Variants in AUTS2 observed in about 807,000 individuals in gnomAD.
The protein encoded by AUTS2 is autism susceptibility gene 2 protein.
AUTS2 carries 17 observed loss-of-function variants against 112.4 expected under a neutral mutation model. The ratio of observed to expected loss-of-function variants is 0.15; its 90% CI spans 0.10 to 0.23. The LOEUF (loss-of-function observed/expected upper bound fraction) is 0.23. Among genes scored for constraint, AUTS2 ranks in the 10% least tolerant of loss-of-function variants. The pLI, the probability that AUTS2 is intolerant of heterozygous loss-of-function variation, is 1.00. For synonymous variants in AUTS2, 751 were observed against 702.7 expected, an observed-to-expected ratio of 1.07 and a Z score of -1.09; for missense variants, 1,510 against 1,701.6, an observed-to-expected ratio of 0.89 and a Z score of 1.98.
chr7:70,736,442 A>AG, intron 6 of AUTS2, among the ~76,000 whole-genome samples: 1 of 152,346 alleles, frequency 6.6e-6, no homozygotes, highest in African/African-American at 2.4e-5. Context: ...CAGTTGGTTT[A>AG]GGGGGTCAGG....
chr7:70,724,709 T>C (rs1786922117), intron 6 of AUTS2, among the ~76,000 whole-genome samples: 1 of 152,012 alleles, frequency 6.6e-6, no homozygotes, highest in African/African-American at 2.4e-5. Flanking sequence ...CCTCCCAAAG[T>C]GCTGGGATTA....
At chr7:69,879,431 C>T (rs61370051) in intron 1 of AUTS2, among the ~76,000 whole-genome samples, 11,429 of 151,688 alleles carry the variant, frequency 0.075, 584 homozygotes, top group African/African-American at 0.14. Context: ...ATTGCAGGCG[C>T]GAGCCACTGT....
chr7:70,257,739 T>G (rs1161689555), intron 4 of AUTS2, among the ~76,000 whole-genome samples: 2 of 151,302 alleles, frequency 1.3e-5, no homozygotes, highest in Non-Finnish European at 2.9e-5. Context: ...ATTACAGGAG[T>G]GAGCCATCAT....
At chr7:69,822,990 G>C (rs944470334) in intron 1 of AUTS2, among the ~76,000 whole-genome samples, 1 of 152,186 alleles carries the variant, frequency 6.6e-6, no homozygotes, top group Non-Finnish European at 1.5e-5. Context: ...CTAGGGAGAA[G>C]GTGAGAGAAA....
At chr7:69,632,581 CCT>C (rs1296043930) in intron 1 of AUTS2, among the ~76,000 whole-genome samples, 3 of 148,032 alleles carry the variant, frequency 2.0e-5, no homozygotes, top group African/African-American at 7.5e-5. Flanking sequence ...TCCCCTCTCC[CCT>C]CTCCCCTCTG....
At chr7:69,762,213 C>G (rs528437355) in intron 1 of AUTS2, among the ~76,000 whole-genome samples, 1 of 148,888 alleles carries the variant, frequency 6.7e-6, no homozygotes, top group East Asian at 2.0e-4. Context: ...TGACATTGGG[C>G]TGTATCTAAT....
intron 4 of AUTS2, among the ~76,000 whole-genome samples, chr7:70,254,872 G>A (rs1352264405): frequency 6.6e-6 from 1 of 152,136 alleles, no homozygotes; most frequent in Non-Finnish European, 1.5e-5. Context: ...ATCTCAGGAT[G>A]TATGTGTTTT....
At chr7:69,974,417 T>C (rs940952301) in intron 2 of AUTS2, among the ~76,000 whole-genome samples, 12 of 151,700 alleles carry the variant, frequency 7.9e-5, no homozygotes, top group Non-Finnish European at 1.3e-4. Context: ...TTTCAACTTA[T>C]TTTTTTCTAT....
intron 1 of AUTS2, among the ~76,000 whole-genome samples, chr7:69,664,087 T>G (rs538986541): frequency 6.6e-6 from 1 of 152,334 alleles, no homozygotes; most frequent in East Asian, 1.9e-4. Flanking sequence ...CCGGACTCAG[T>G]CTGTGTGCCT....
chr7:70,359,623 GGA>G (rs1300440491), intron 4 of AUTS2, among the ~76,000 whole-genome samples: 1 of 152,088 alleles, frequency 6.6e-6, no homozygotes, highest in East Asian at 1.9e-4. Context: ...TCCATTCCCT[GGA>G]GAGTGAGAAC....
At chr7:70,708,910 T>G (rs1443507453) in intron 6 of AUTS2, among the ~76,000 whole-genome samples, 1 of 147,312 alleles carries the variant, frequency 6.8e-6, no homozygotes, top group Non-Finnish European at 1.5e-5. Flanking sequence ...ATTTTATTGT[T>G]TAAATACTTT....
chr7:70,093,670 C>G (rs577111359), intron 2 of AUTS2, among the ~76,000 whole-genome samples: 2 of 152,174 alleles, frequency 1.3e-5, no homozygotes, highest in African/African-American at 4.8e-5. Context: ...GAGTGAGTCA[C>G]CCCTTTTCAG....
intron 2 of AUTS2, among the ~76,000 whole-genome samples, chr7:70,064,958 A>G (rs999472616): frequency 2.0e-5 from 3 of 152,206 alleles, no homozygotes; most frequent in African/African-American, 7.2e-5. Flanking sequence ...ATGCATATTT[A>G]TATGCCCAGA....
chr7:69,624,042 T>C (rs914760265), intron 1 of AUTS2, among the ~76,000 whole-genome samples: 1 of 152,210 alleles, frequency 6.6e-6, no homozygotes, highest in Non-Finnish European at 1.5e-5. Flanking sequence ...AGTAAGTTTT[T>C]GGTGATGTTA....
At chr7:69,897,867 C>A (rs772493367) in intron 1 of AUTS2, among the ~76,000 whole-genome samples, 1 of 152,104 alleles carries the variant, frequency 6.6e-6, no homozygotes, top group Non-Finnish European at 1.5e-5. Flanking sequence ...GAGTACCATG[C>A]ATGTAAAGTT....
chr7:69,861,271 T>C lies in AUTS2; in HGVS notation c.310-38015T>C, dbSNP rs192824664. 5.9e-3 allele frequency among the ~76,000 whole-genome samples: 905 copies of C among 152,338 alleles called. 3 individuals are homozygous for C. Among genetic ancestry groups the C allele is most frequent in the Non-Finnish European group, 9.3e-3 (634 of 68,030 alleles). ...GAAGGACCCATAAATGGATTTTGGCTGTCTCCTAGTGCAGGGATTAACATA... is the reference window on the plus strand; with the variant it reads ...GAAGGACCCATAAATGGATTTTGGCCGTCTCCTAGTGCAGGGATTAACATA... On this transcript the variant is annotated intron_variant, in intron 1 of 18. Coordinates refer to ENST00000342771, the MANE Select transcript of AUTS2 (RefSeq NM_015570.4).
intron 4 of AUTS2, among the ~76,000 whole-genome samples, chr7:70,156,392 T>TGGGC (rs1807759942): frequency 6.6e-6 from 1 of 152,172 alleles, no homozygotes; most frequent in Non-Finnish European, 1.5e-5. Flanking sequence ...GAAGAGAGCT[T>TGGGC]TTCTCTGGGC....
chr7:70,134,055 A>G (rs535783069), intron 3 of AUTS2, among the ~76,000 whole-genome samples: 1 of 152,312 alleles, frequency 6.6e-6, no homozygotes, highest in African/African-American at 2.4e-5. Context: ...ACTGGCAAGT[A>G]GGTCATACAC....
chr7:69,946,171 A>C (rs935532872), intron 2 of AUTS2, among the ~76,000 whole-genome samples: 3 of 152,116 alleles, frequency 2.0e-5, no homozygotes, highest in Admixed American at 1.3e-4. Context: ...TGAATTCTAC[A>C]TGTAAATGAG....
Sources: allele counts gnomAD v4.1 joint callset (sites outside exome capture counted in the v4.1 genomes callset), GRCh38; gene constraint gnomAD v4.1.1; transcripts MANE v1.5; gene names NCBI Gene and HGNC (gene_info 2026-07-23, HGNC 2026-07-21).